The following NREP variants were observed in gnomAD, a reference collection of about 807,000 sequenced individuals.
The protein encoded by NREP is neuronal regeneration related protein, also known as neuronal regeneration-related protein.
NREP carries 5 observed loss-of-function variants against 8.6 expected under a neutral mutation model. The ratio of observed to expected loss-of-function variants is 0.58; its 90% CI spans 0.30 to 1.22. NREP has a LOEUF of 1.22. Among genes scored for constraint, NREP ranks in the 50% most tolerant of loss-of-function variants. The probability of loss-of-function intolerance (pLI) is 0.07; values close to 1 mark genes in which losing one functional copy is unlikely to be tolerated. For synonymous variants in NREP, 27 were observed against 28.0 expected, an observed-to-expected ratio of 0.96 and a Z score of 0.11; for missense variants, 86 against 82.5, an observed-to-expected ratio of 1.04 and a Z score of -0.17.
At chr5:111,942,604 T>A (rs1029147163) in intron 2 of NREP, among the ~76,000 whole-genome samples, 1 of 151,950 alleles carries the variant, frequency 6.6e-6, no homozygotes, top group Non-Finnish European at 1.5e-5. Context: ...GATATAGAAG[T>A]TGATATTCTT....
intron 2 of NREP, among the ~76,000 whole-genome samples, chr5:111,878,298 G>A (rs1391581053): frequency 6.6e-6 from 1 of 152,232 alleles, no homozygotes; most frequent in Non-Finnish European, 1.5e-5. Flanking sequence ...TTGACTCATA[G>A]TTCTGCATGG....
chr5:111,788,816 T>G (rs1273477830), intron 2 of NREP, among the ~76,000 whole-genome samples: 4 of 152,220 alleles, frequency 2.6e-5, no homozygotes, highest in Admixed American at 6.5e-5. Flanking sequence ...GATTAGCATT[T>G]AAATCCATGG....
At chr5:111,945,389 G>A (rs925567911) in intron 2 of NREP, among the ~76,000 whole-genome samples, 3 of 150,930 alleles carry the variant, frequency 2.0e-5, no homozygotes, top group African/African-American at 7.3e-5. Flanking sequence ...CCATTAACTC[G>A]TCATTTAACA....
At chr5:111,751,567 A>G (rs1184655530) in intron 2 of NREP, among the ~76,000 whole-genome samples, 2 of 152,204 alleles carry the variant, frequency 1.3e-5, no homozygotes, top group Non-Finnish European at 2.9e-5. Flanking sequence ...AAAGTAGAGG[A>G]GCCTTTAAAA....
rs530531460 is a variant in NREP at position 111,945,627 on chromosome 5, C to G, written c.135+29647G>C. Among the ~76,000 whole-genome samples the G allele has an allele frequency of 4.6e-5, 7 of 151,968 alleles. No individual in the cohort carries two copies. The South Asian group carries it at 1.5e-3, about 32-fold the overall frequency. ...TGTTGAAAGTGACATACTGTAATCT[C>G]AAAATAAATTAACCACAAAAATGAA... On this transcript the variant is annotated intron_variant, in intron 2 of 3. Coordinates refer to the NREP transcript ENST00000395634.
At chr5:111,863,936 T>C (rs996381749) in intron 2 of NREP, among the ~76,000 whole-genome samples, 4 of 151,984 alleles carry the variant, frequency 2.6e-5, no homozygotes, top group African/African-American at 4.8e-5. Flanking sequence ...ATATATGGAG[T>C]CTTAATGTCT....
chr5:111,856,592 A>G, intron 2 of NREP, among the ~76,000 whole-genome samples: 1 of 152,136 alleles, frequency 6.6e-6, no homozygotes, highest in East Asian at 1.9e-4. Context: ...ACTAATCTGC[A>G]CACTGCCTTT....
At chr5:111,769,102 C>G (rs565233693) in intron 2 of NREP, among the ~76,000 whole-genome samples, 1 of 152,328 alleles carries the variant, frequency 6.6e-6, no homozygotes, top group Non-Finnish European at 1.5e-5. Context: ...ATTTGCATTT[C>G]TTTGATGTTA....
At chr5:111,755,527 T>A (rs1014931893) in intron 2 of NREP, 8 of 527,652 alleles carry the variant, frequency 1.5e-5, no homozygotes, top group Non-Finnish European at 2.8e-5. Context: ...AATCCTCACT[T>A]CTGAAAGAGG....
intron 2 of NREP, among the ~76,000 whole-genome samples, chr5:111,857,340 A>T (rs886073396): frequency 2.0e-5 from 3 of 152,218 alleles, no homozygotes; most frequent in Admixed American, 1.3e-4. Context: ...TGTGCTTGTT[A>T]TAGACAGGAG....
intron 2 of NREP, among the ~76,000 whole-genome samples, chr5:111,942,071 T>C (rs893534667): frequency 2.6e-5 from 4 of 152,066 alleles, no homozygotes; most frequent in Non-Finnish European, 4.4e-5. Flanking sequence ...CAAAGATCGA[T>C]TCCATGAGAC....
At chr5:111,853,593 A>G (rs55948494) in intron 2 of NREP, among the ~76,000 whole-genome samples, 3,065 of 152,290 alleles carry the variant, frequency 0.02, 47 homozygotes, top group Non-Finnish European at 0.027. Context: ...TACCAAAAAA[A>G]GTTTTAAATA....
chr5:111,924,340 T>C (rs1480896842), intron 2 of NREP, among the ~76,000 whole-genome samples: 1 of 152,008 alleles, frequency 6.6e-6, no homozygotes, highest in African/African-American at 2.4e-5. Flanking sequence ...TGTTTGTCCA[T>C]ACAAGTGAGG....
chr5:111,960,541 CA>C (rs1561369682), intron 2 of NREP, among the ~76,000 whole-genome samples: 1 of 152,068 alleles, frequency 6.6e-6, no homozygotes, highest in Non-Finnish European at 1.5e-5. Context: ...GGGGATAGGT[CA>C]AAAACCTCAT....
At chr5:111,933,492 G>C (rs1755599536) in intron 2 of NREP, among the ~76,000 whole-genome samples, 7 of 152,074 alleles carry the variant, frequency 4.6e-5, no homozygotes, top group Admixed American at 4.6e-4. Context: ...AGGTAAATCT[G>C]TTTGGACTCC....
At chr5:111,866,461 C>T (rs1753666331) in intron 2 of NREP, among the ~76,000 whole-genome samples, 1 of 152,158 alleles carries the variant, frequency 6.6e-6, no homozygotes, top group South Asian at 2.1e-4. Context: ...CATCTCACAC[C>T]AGTTAGAATG....
intron 2 of NREP, among the ~76,000 whole-genome samples, chr5:111,751,842 A>T (rs1750379310): frequency 6.6e-6 from 1 of 152,156 alleles, no homozygotes; most frequent in Non-Finnish European, 1.5e-5. Context: ...TCAACCCTCC[A>T]TTTCACTTTG....
chr5:111,761,195 A>G (rs556834104), upstream of NREP, among the ~76,000 whole-genome samples: 3 of 152,358 alleles, frequency 2.0e-5, no homozygotes, highest in East Asian at 5.8e-4. Flanking sequence ...CATTACATAT[A>G]CAGTAGCAAT....
At chr5:111,756,291 G>A (rs1423639355) in intron 1 of NREP, 4 of 233,910 alleles carry the variant, frequency 1.7e-5, no homozygotes, top group Non-Finnish European at 2.2e-5. Flanking sequence ...ATAACCTTCC[G>A]TGTTTAAAAA....
Sources: allele counts gnomAD v4.1 joint callset (sites outside exome capture counted in the v4.1 genomes callset), GRCh38; gene constraint gnomAD v4.1.1; transcripts MANE v1.5; gene names NCBI Gene and HGNC (gene_info 2026-07-23, HGNC 2026-07-21).